Variants in DPP10 observed in about 807,000 individuals in gnomAD.
The protein encoded by DPP10 is inactive dipeptidyl peptidase 10.
A neutral mutation model predicts 120.9 loss-of-function variants in DPP10; 33 were observed. That is an observed-to-expected ratio of 0.27 (90% CI 0.21 to 0.37). The LOEUF (loss-of-function observed/expected upper bound fraction) is 0.37, where lower values mean the gene tolerates loss of function less well. Among genes scored for constraint, DPP10 ranks in the 10% least tolerant of loss-of-function variants. The pLI is 1.00. For missense variants in DPP10, 816 were observed against 942.8 expected (o/e 0.87, Z 1.76); for synonymous variants, 337 against 326.1 (o/e 1.03, Z -0.36).
intron 3 of DPP10, among the ~76,000 whole-genome samples, chr2:115,488,901 T>A (rs868014482): frequency 1.6e-3 from 164 of 102,552 alleles, no homozygotes; most frequent in Middle Eastern, 5.7e-3. Flanking sequence ...AAAAAAAAAA[T>A]ATGTATCTCT....
intron 3 of DPP10, among the ~76,000 whole-genome samples, chr2:115,382,466 C>T (rs1364096432): frequency 1.3e-5 from 2 of 152,190 alleles, no homozygotes; most frequent in African/African-American, 4.8e-5. Context: ...TCTGGCACTT[C>T]CTATTGAGAT....
At chr2:114,512,968 G>A (rs1684268982) in intron 1 of DPP10, among the ~76,000 whole-genome samples, 1 of 152,122 alleles carries the variant, frequency 6.6e-6, no homozygotes, top group African/African-American at 2.4e-5. Context: ...TGTTCAAGGA[G>A]TTGCATTTTA....
chr2:114,883,597 A>G (rs1477652718), intron 1 of DPP10, among the ~76,000 whole-genome samples: 2 of 152,190 alleles, frequency 1.3e-5, no homozygotes, highest in Non-Finnish European at 2.9e-5. Context: ...ATCCCGACTT[A>G]TTCATTTGAC....
chr2:114,802,398 C>A (rs988698685), intron 1 of DPP10, among the ~76,000 whole-genome samples: 2 of 152,062 alleles, frequency 1.3e-5, no homozygotes, highest in Admixed American at 6.6e-5. Flanking sequence ...TCTGGTAGAT[C>A]GGAGATGTAT....
chr2:115,701,517 T>G (rs1261583706), intron 7 of DPP10, among the ~76,000 whole-genome samples: 1 of 152,068 alleles, frequency 6.6e-6, no homozygotes. Context: ...TTGAAGATAT[T>G]GGAAGGAATA....
intron 1 of DPP10, among the ~76,000 whole-genome samples, chr2:114,659,536 G>T (rs1471451537): frequency 2.6e-5 from 4 of 151,610 alleles, no homozygotes; most frequent in Non-Finnish European, 5.9e-5. Context: ...TTTTTCCTCA[G>T]AGTTTGCCAA....
At chr2:114,741,919 G>T (rs1486405523) in intron 1 of DPP10, among the ~76,000 whole-genome samples, 3 of 152,276 alleles carry the variant, frequency 2.0e-5, no homozygotes, top group South Asian at 2.1e-4. Context: ...AAATGTCAGA[G>T]AATAAATATG....
intron 1 of DPP10, among the ~76,000 whole-genome samples, chr2:114,466,095 C>T (rs1679345928): frequency 6.6e-6 from 1 of 152,054 alleles, no homozygotes; most frequent in Admixed American, 6.6e-5. Context: ...CCCACAAATT[C>T]ATCTATAAAT....
intron 3 of DPP10, among the ~76,000 whole-genome samples, chr2:115,408,215 G>T (rs967376416): frequency 3.3e-5 from 5 of 151,968 alleles, no homozygotes; most frequent in Non-Finnish European, 7.4e-5. Context: ...AGTAAACTTT[G>T]ACAGGAACAG....
intron 1 of DPP10, among the ~76,000 whole-genome samples, chr2:115,007,758 T>A (rs1283365257): frequency 6.7e-6 from 1 of 149,780 alleles, no homozygotes; most frequent in African/African-American, 2.5e-5. Flanking sequence ...TGTGCAAAAA[T>A]CACAAGCATT....
intron 1 of DPP10, among the ~76,000 whole-genome samples, chr2:115,034,777 T>C (rs1704111172): frequency 6.6e-6 from 1 of 152,210 alleles, no homozygotes; most frequent in Non-Finnish European, 1.5e-5. Context: ...GTCATGACAA[T>C]TCAATCCCTA....
chr2:115,272,943 G>A (rs184680922), intron 1 of DPP10, among the ~76,000 whole-genome samples: 1 of 152,348 alleles, frequency 6.6e-6, no homozygotes, highest in Admixed American at 6.5e-5. Flanking sequence ...CAGATGTGAA[G>A]AGTGGGTTTG....
intron 1 of DPP10, among the ~76,000 whole-genome samples, chr2:114,712,833 G>A (rs918225668): frequency 6.6e-6 from 1 of 151,766 alleles, no homozygotes; most frequent in African/African-American, 2.4e-5. Context: ...TACATTATAT[G>A]GTAAGTCAGA....
At chr2:115,039,887 A>G (rs992137495) in intron 1 of DPP10, among the ~76,000 whole-genome samples, 1 of 152,062 alleles carries the variant, frequency 6.6e-6, no homozygotes, top group African/African-American at 2.4e-5. Flanking sequence ...CAGCAGCCTC[A>G]GGAAACTTTC....
At chr2:114,947,612 A>G (rs1697463987) in intron 1 of DPP10, among the ~76,000 whole-genome samples, 1 of 151,994 alleles carries the variant, frequency 6.6e-6, no homozygotes, top group Non-Finnish European at 1.5e-5. Context: ...TACAATTTCA[A>G]AAGTTAATAA....
chr2:115,494,288 T>C (rs2076279922), intron 3 of DPP10, among the ~76,000 whole-genome samples: 1 of 152,120 alleles, frequency 6.6e-6, no homozygotes, highest in Non-Finnish European at 1.5e-5. Flanking sequence ...ATAAAAGATA[T>C]TTAAGAGCTT....
chr2:114,923,279 G>A (rs540463977), intron 1 of DPP10, among the ~76,000 whole-genome samples: 15 of 150,824 alleles, frequency 9.9e-5, no homozygotes, highest in African/African-American at 2.7e-4. Context: ...CACCTCCCAG[G>A]TTCAAGCGAT....
chr2:115,826,191 G>A (rs1316653985), intron 21 of DPP10, among the ~76,000 whole-genome samples: 1 of 152,164 alleles, frequency 6.6e-6, no homozygotes, highest in East Asian at 1.9e-4. Context: ...TGGAAACTCA[G>A]CATGAGTGGC....
At chr2:114,556,267 A>G (rs1688304274) in intron 1 of DPP10, among the ~76,000 whole-genome samples, 1 of 142,848 alleles carries the variant, frequency 7.0e-6, no homozygotes, top group Admixed American at 7.0e-5. Flanking sequence ...ATATATATAT[A>G]TAGGCAAATA....
Sources: allele counts gnomAD v4.1 joint callset (sites outside exome capture counted in the v4.1 genomes callset), GRCh38; gene constraint gnomAD v4.1.1; transcripts MANE v1.5; gene names NCBI Gene and HGNC (gene_info 2026-07-23, HGNC 2026-07-21).